FYB2: variants seen among roughly 807,000 people sequenced by gnomAD.
FYB2 encodes FYN-binding protein 2.
Under a neutral mutation model 94.1 loss-of-function variants are expected in FYB2, and 103 were observed. The observed-to-expected ratio is 1.09, with a 90% CI of 0.93 to 1.29. The LOEUF (loss-of-function observed/expected upper bound fraction) is 1.29, where lower values mean the gene tolerates loss of function less well. FYB2 is among the 50% of genes most tolerant of loss of function. The pLI is 0.00. For synonymous variants in FYB2, 293 were observed against 287.9 expected (o/e 1.02, Z -0.18); for missense variants, 896 against 841.5 (o/e 1.06, Z -0.80).
In FYB2 at chr1:56,723,590, T is replaced by G; in HGVS notation, c.1972A>C (p.Lys658Gln). The G allele has an allele frequency of 6.5e-7, 1 of 1,528,056 alleles. No individual in the cohort carries two copies. The highest frequency in any genetic ancestry group is 9.0e-7 in the Non-Finnish European group (1 of 1,110,574). The allele number at this position is 1,528,056 out of a possible 1,614,324, so 94.7% of individuals were successfully genotyped here. The change falls in exon 17 of 20, where the codon AAG becomes CAG. Residue 658 changes from lysine (K) to glutamine (Q), a missense_variant and splice_region_variant. Lys to Gln is a moderately conservative substitution (Grantham distance 53, BLOSUM62 1). Transcript: ENST00000343433. ...REEKLFRERF[K>Q]YDKEIIVINT... ...TTTACCTTCAGAAGAGAACGTACCTTAAACCTTTCTCTAAATAGTTTTTCT... is the reference window on the plus strand; with the variant it reads ...TTTACCTTCAGAAGAGAACGTACCTGAAACCTTTCTCTAAATAGTTTTTCT...
intron 1 of FYB2, among the ~76,000 whole-genome samples, chr1:56,807,352 C>T (rs1646671250): frequency 6.6e-6 from 1 of 152,088 alleles, no homozygotes; most frequent in Admixed American, 6.6e-5. Flanking sequence ...ATATTAGAGT[C>T]CCAGCTGCAT....
intron 12 of FYB2, among the ~76,000 whole-genome samples, 166 bp from the exon 13 acceptor site, chr1:56,740,961 C>T (rs1644939168): frequency 6.6e-6 from 1 of 151,846 alleles, no homozygotes; most frequent in African/African-American, 2.4e-5. Flanking sequence ...CTGGGGACTC[C>T]AAAAAGCGGG....
At chr1:56,766,664 C>G (rs1336284191) in intron 5 of FYB2, among the ~76,000 whole-genome samples, 2 of 152,110 alleles carry the variant, frequency 1.3e-5, no homozygotes, top group Non-Finnish European at 2.9e-5. Context: ...GTCTCGATCT[C>G]CTGATATCGT....
Position 56,752,123 on chromosome 1 carries a change from G to A in FYB2, c.1228-920C>T, listed in dbSNP as rs1267217547. Among the ~76,000 whole-genome samples the A allele has an allele frequency of 3.3e-5, 5 of 151,992 alleles. No homozygotes were observed. The East Asian group carries it at 9.7e-4, about 30-fold the overall frequency. On this transcript the variant is annotated intron_variant, in intron 8 of 19. Coordinates refer to ENST00000343433, the MANE Select transcript of FYB2 (RefSeq NM_001004303.5). ...GGCTGCTGATAAGGTAAGAGTTGAAGGAAAAAGATAAGGGAAGACAGCCTG... is the reference window on the plus strand; with the variant it reads ...GGCTGCTGATAAGGTAAGAGTTGAAAGAAAAAGATAAGGGAAGACAGCCTG...
upstream of FYB2, among the ~76,000 whole-genome samples, chr1:56,821,230 T>G (rs1233070292): frequency 6.6e-6 from 1 of 152,210 alleles, no homozygotes; most frequent in Non-Finnish European, 1.5e-5. Context: ...CCTAGTGGCC[T>G]CAGGCCAGCC....
intron 1 of FYB2, among the ~76,000 whole-genome samples, chr1:56,803,122 A>AT (rs1646559641): frequency 6.6e-6 from 1 of 152,126 alleles, no homozygotes; most frequent in African/African-American, 2.4e-5. Flanking sequence ...TGGAATTCAA[A>AT]TTTTTTCCAG....
At chr1:56,719,922 A>C in intron 19 of FYB2, 100 bp downstream of exon 19, 1 of 1,291,170 alleles carries the variant, frequency 7.7e-7, no homozygotes, top group Middle Eastern at 2.7e-4. Context: ...TTTAAAACTT[A>C]TCCTGAATTT....
rs1570200228 is a variant in FYB2 at position 56,798,409 on chromosome 1, G to A, written c.10-5606C>T. Among the ~76,000 whole-genome samples the A allele has an allele frequency of 2.6e-5, 4 of 152,306 alleles. No individual in the cohort carries two copies. The South Asian group carries it at 8.3e-4, about 32-fold the overall frequency. On this transcript the variant is annotated intron_variant, in intron 1 of 19. Coordinates refer to ENST00000343433, the MANE Select transcript of FYB2 (RefSeq NM_001004303.5). ...AAAAGACAGTGGTGTCCTCTAAACA[G>A]AAGGGGTTTATCTCTTTGATATGGA...
At chr1:56,737,618 A>G (rs1346780201) in intron 14 of FYB2, 2 of 152,760 alleles carry the variant, frequency 1.3e-5, no homozygotes, top group African/African-American at 4.8e-5. Flanking sequence ...TTGCTCCTAT[A>G]CAATAATCTT....
chr1:56,729,527 ATAT>A lies in FYB2; in HGVS notation c.1794-2947_1794-2945del, dbSNP rs559138101. Among the ~76,000 whole-genome samples, 20 of 152,228 alleles carry A rather than the reference ATAT, an allele frequency of 1.3e-4. 1 individual carries two copies. In the South Asian group the frequency reaches 3.9e-3, roughly 30 times the overall value. On this transcript the variant is annotated intron_variant, in intron 15 of 19. Coordinates refer to ENST00000343433, the MANE Select transcript of FYB2 (RefSeq NM_001004303.5). ...TGGAGCACCCAGATATATAAAGCAA[ATAT>A]TATTAGGTCAAAAGGGAGAGATACA...
chr1:56,743,774 C>T (rs1296051045), intron 11 of FYB2, among the ~76,000 whole-genome samples: 2 of 151,960 alleles, frequency 1.3e-5, no homozygotes, highest in African/African-American at 4.8e-5. Context: ...GTGAAAAGAT[C>T]AGGAAGGAAG....
chr1:56,753,771 A>G, intron 8 of FYB2, 68 bp downstream of exon 8: 3 of 1,093,556 alleles, frequency 2.7e-6, no homozygotes, highest in Non-Finnish European at 4.2e-6. Flanking sequence ...CTCTCAGGCC[A>G]TATAAAGTCA....
chr1:56,742,247 A>G (rs373806283), intron 11 of FYB2, 26 bp from the exon 12 acceptor site: 38 of 1,501,502 alleles, frequency 2.5e-5, no homozygotes, highest in African/African-American at 4.2e-5. Flanking sequence ...AACCCTACTT[A>G]TATTCATTAT....
At chr1:56,745,208 C>T (rs1043468217) in intron 9 of FYB2, among the ~76,000 whole-genome samples, 7 of 151,968 alleles carry the variant, frequency 4.6e-5, no homozygotes, top group Non-Finnish European at 8.8e-5. Context: ...TCAATCCTTC[C>T]TTTTGGCTGA....
intron 19 of FYB2, 146 bp from the exon 20 acceptor site, chr1:56,719,838 GC>G: frequency 9.9e-7 from 1 of 1,013,488 alleles, no homozygotes; most frequent in Non-Finnish European, 1.4e-6. Context: ...AAGTTTGATA[GC>G]ATACTCAGGA....
At chr1:56,741,505 G>C (rs1406606592) in intron 12 of FYB2, among the ~76,000 whole-genome samples, 2 of 151,750 alleles carry the variant, frequency 1.3e-5, no homozygotes, top group African/African-American at 4.8e-5. Flanking sequence ...ATATCCTTTT[G>C]GGGCCTTTAG....
At chr1:56,813,949 A>C (rs974636441) in intron 1 of FYB2, among the ~76,000 whole-genome samples, 1 of 152,328 alleles carries the variant, frequency 6.6e-6, no homozygotes, top group African/African-American at 2.4e-5. Context: ...CTTAAGCACC[A>C]GGATTTTCTG....
intron 4 of FYB2, among the ~76,000 whole-genome samples, chr1:56,769,639 T>C (rs1645708246): frequency 6.6e-6 from 1 of 152,104 alleles, no homozygotes; most frequent in Non-Finnish European, 1.5e-5. Context: ...TGATTAACAT[T>C]AGACTTTGTA....
intron 15 of FYB2, among the ~76,000 whole-genome samples, chr1:56,728,719 T>C (rs1644638357): frequency 6.6e-6 from 1 of 152,090 alleles, no homozygotes. Context: ...ATCCATACTT[T>C]AAAACCCCTA....
Sources: gnomAD v4.1 joint callset for allele counts (sites outside exome capture counted in the v4.1 genomes callset) on GRCh38, gnomAD v4.1.1 for gene constraint, MANE v1.5 for transcripts, NCBI Gene and HGNC (gene_info 2026-07-23, HGNC 2026-07-21) for gene names.